The following RANBP2 variants were observed in gnomAD, a reference collection of about 807,000 sequenced individuals.
The protein encoded by RANBP2 is RAN binding protein 2, also known as E3 SUMO-protein ligase RanBP2.
A neutral mutation model predicts 303.6 loss-of-function variants in RANBP2; 57 were observed. That is an observed-to-expected ratio of 0.19 (90% confidence interval 0.15 to 0.23). The LOEUF (loss-of-function observed/expected upper bound fraction) is 0.23, where lower values mean the gene tolerates loss of function less well. Among genes scored for constraint, RANBP2 ranks in the 10% least tolerant of loss-of-function variants. The pLI is 1.00. For missense variants in RANBP2, 3,138 were observed against 3,780.8 expected (o/e 0.83, Z 4.46); for synonymous variants, 1,167 against 1,301.5 (o/e 0.90, Z 2.23).
chr2:109,014,577 T>C, the RANBP2 span, among the ~76,000 whole-genome samples: 1 of 152,236 alleles, frequency 6.6e-6, no homozygotes, highest in Non-Finnish European at 1.5e-5. Flanking sequence ...TTTGTTCTTC[T>C]GGCCAGTTCC....
At chr2:109,126,003 G>A in the RANBP2 span, among the ~76,000 whole-genome samples, 40 of 152,368 alleles carry the variant, frequency 2.6e-4, no homozygotes, top group Middle Eastern at 3.4e-3. Context: ...GAGATGTCAT[G>A]TAAAAAGCAG....
the RANBP2 span, chr2:109,614,254 C>A: frequency 4.4e-6 from 3 of 681,668 alleles, no homozygotes; most frequent in Non-Finnish European, 5.9e-6. Context: ...GCCGAGACAG[C>A]GGGGAGCGGA....
At chr2:109,296,125 G>A in the RANBP2 span, among the ~76,000 whole-genome samples, 1 of 152,042 alleles carries the variant, frequency 6.6e-6, no homozygotes, top group African/African-American at 2.4e-5. Context: ...TGTTCTCTAC[G>A]TCTGTGCGCA....
chr2:108,826,213 G>T, the RANBP2 span, among the ~76,000 whole-genome samples: 79 of 152,222 alleles, frequency 5.2e-4, 1 homozygote, highest in South Asian at 0.016. Flanking sequence ...GTAGTTGTCT[G>T]TTGACTTTCT....
chr2:109,082,886 C>T, the RANBP2 span, among the ~76,000 whole-genome samples: 155 of 143,798 alleles, frequency 1.1e-3, no homozygotes, highest in Middle Eastern at 8.7e-3. Flanking sequence ...AGTGCAGTGG[C>T]GCCATCTCAG....
chr2:109,049,238 C>G, the RANBP2 span, among the ~76,000 whole-genome samples: 1 of 152,206 alleles, frequency 6.6e-6, no homozygotes, highest in Non-Finnish European at 1.5e-5. Flanking sequence ...CTGATGCAGG[C>G]TGCAGAGAGG....
At chr2:109,108,873 T>C in the RANBP2 span, among the ~76,000 whole-genome samples, 14 of 152,282 alleles carry the variant, frequency 9.2e-5, no homozygotes, top group Non-Finnish European at 2.1e-4. Context: ...AAACCTTGTC[T>C]GTGAGGGTGC....
chr2:109,307,385 A>G, the RANBP2 span, among the ~76,000 whole-genome samples: 2 of 151,950 alleles, frequency 1.3e-5, no homozygotes, highest in Admixed American at 6.5e-5. Flanking sequence ...CGCTGCATCC[A>G]TGCTCTGGGC....
the RANBP2 span, chr2:109,502,840 G>A: frequency 1.3e-5 from 2 of 152,204 alleles, no homozygotes; most frequent in African/African-American, 4.8e-5. Flanking sequence ...GTATCAAAAT[G>A]TGCAGTTTCT....
At chr2:109,067,228 T>C in the RANBP2 span, among the ~76,000 whole-genome samples, 1 of 152,202 alleles carries the variant, frequency 6.6e-6, no homozygotes, top group Non-Finnish European at 1.5e-5. Context: ...CTGTTGTGCT[T>C]TCCTAGGGGA....
the RANBP2 span, chr2:108,894,955 G>T: frequency 6.6e-6 from 1 of 152,232 alleles, no homozygotes; most frequent in African/African-American, 2.4e-5. Flanking sequence ...GGTGCAAGCT[G>T]TTATCCTGGA....
chr2:109,774,513 TAATATATATTATATATA>T, the RANBP2 span, among the ~76,000 whole-genome samples: 2 of 67,168 alleles, frequency 3.0e-5, 1 homozygote, highest in African/African-American at 1.7e-4. Flanking sequence ...TATATATATA[TAATATATATTATATATA>T]TTATATATAA....
At chr2:109,493,271 C>G in the RANBP2 span, among the ~76,000 whole-genome samples, 1 of 144,722 alleles carries the variant, frequency 6.9e-6, no homozygotes, top group Non-Finnish European at 1.5e-5. Flanking sequence ...ACACACACCC[C>G]ACGTACACCA....
chr2:109,541,821 C>A, the RANBP2 span, among the ~76,000 whole-genome samples: 1 of 152,198 alleles, frequency 6.6e-6, no homozygotes, highest in South Asian at 2.1e-4. Context: ...TGCCCTGCTC[C>A]AAACCTACTT....
the RANBP2 span, among the ~76,000 whole-genome samples, chr2:109,399,525 T>C: frequency 6.6e-6 from 1 of 152,040 alleles, no homozygotes; most frequent in Non-Finnish European, 1.5e-5. Flanking sequence ...CCTGTAATCC[T>C]GGGGCTTTGG....
At chr2:109,669,436 C>A in the RANBP2 span, among the ~76,000 whole-genome samples, 6 of 152,260 alleles carry the variant, frequency 3.9e-5, no homozygotes, top group South Asian at 1.2e-3. Context: ...TGAAGGGATT[C>A]ATAACCAGAA....
At chr2:108,800,751 A>G in the RANBP2 span, among the ~76,000 whole-genome samples, 6 of 111,518 alleles carry the variant, frequency 5.4e-5, no homozygotes, top group Non-Finnish European at 1.1e-4. Context: ...AGCATTAGGT[A>G]TATCTCCCAA....
chr2:109,432,748 A>G, the RANBP2 span: 6 of 1,509,308 alleles, frequency 4.0e-6, no homozygotes, highest in Non-Finnish European at 5.3e-6. Flanking sequence ...TTACTGCTGG[A>G]GGCTACTCTG....
intron 6 of RANBP2, among the ~76,000 whole-genome samples, chr2:108,737,576 G>C (rs918460848): frequency 7.2e-6 from 1 of 138,034 alleles, no homozygotes; most frequent in Non-Finnish European, 1.5e-5. Context: ...TTTTGAGACT[G>C]AGTCTTGCTC....
Sources: gnomAD v4.1 joint callset for allele counts (sites outside exome capture counted in the v4.1 genomes callset) on GRCh38, gnomAD v4.1.1 for gene constraint, MANE v1.5 for transcripts, NCBI Gene and HGNC (gene_info 2026-07-23, HGNC 2026-07-21) for gene names.